The following CCDC85A variants were observed in gnomAD, a reference collection of about 807,000 sequenced individuals.
The protein encoded by CCDC85A is coiled-coil domain-containing protein 85A.
In CCDC85A, 38 loss-of-function variants were observed where a neutral mutation model predicts 50.2. The observed-to-expected ratio is 0.76, with a 90% CI of 0.58 to 0.99. The LOEUF (loss-of-function observed/expected upper bound fraction) is 0.99. Among genes scored for constraint, CCDC85A ranks in the 50% least tolerant of loss-of-function variants. CCDC85A has a pLI of 0.00. For missense variants in CCDC85A, 820 were observed against 742.0 expected (o/e 1.11, Z -1.22); for synonymous variants, 366 against 301.4 (o/e 1.21, Z -2.22).
At chr2:56,188,142 T>C (rs1348786963) in intron 1 of CCDC85A, among the ~76,000 whole-genome samples, 1 of 152,218 alleles carries the variant, frequency 6.6e-6, no homozygotes, top group Non-Finnish European at 1.5e-5. Flanking sequence ...TGGTGGCCGG[T>C]GGCAATGTTA....
chr2:56,368,779 A>G (rs770330300), intron 3 of CCDC85A, among the ~76,000 whole-genome samples: 2 of 147,774 alleles, frequency 1.4e-5, no homozygotes, highest in Non-Finnish European at 3.0e-5. Flanking sequence ...TGTGAGTTTT[A>G]GTCAATTGGA....
chr2:56,335,621 A>G (rs894763732), intron 2 of CCDC85A, among the ~76,000 whole-genome samples: 18 of 144,104 alleles, frequency 1.2e-4, no homozygotes, highest in Non-Finnish European at 2.3e-4. Context: ...TTTTTTTTTG[A>G]GAAGTAGTCT....
At chr2:56,307,466 G>T (rs1573222517) in intron 2 of CCDC85A, among the ~76,000 whole-genome samples, 1 of 152,124 alleles carries the variant, frequency 6.6e-6, no homozygotes, top group Non-Finnish European at 1.5e-5. Flanking sequence ...GAAATTTAAT[G>T]AACTAATAAG....
rs759792708 is a variant in CCDC85A, at chr2:56,193,370, G to A, written c.1170G>A (p.Glu390=). ...GSGGSGGGSR[E]GTLRRQAQED... is the part of the protein sequence containing the mutation. ...GAGGCAGCGGCGGAGGCAGCAGGGA[G>A]GGCACCCTCAGACGGCAGGCACAGG... The change falls in exon 2 of 6, where the codon GAG becomes GAA. Residue 390 remains glutamate, a synonymous_variant. Coordinates refer to ENST00000407595, the MANE Select transcript of CCDC85A (RefSeq NM_001080433.2). The A allele has an allele frequency of 2.5e-6, 4 of 1,611,440 alleles. No individual in the cohort carries two copies. The South Asian group carries it at 3.3e-5, about 13-fold the overall frequency.
intron 2 of CCDC85A, among the ~76,000 whole-genome samples, chr2:56,278,496 A>G (rs1459928740): frequency 2.6e-5 from 4 of 152,108 alleles, no homozygotes; most frequent in Admixed American, 1.3e-4. Context: ...TGGTTCAAGG[A>G]TCATCTTATC....
intron 2 of CCDC85A, among the ~76,000 whole-genome samples, chr2:56,222,542 C>T (rs1490154855): frequency 1.3e-5 from 2 of 152,104 alleles, no homozygotes; most frequent in Non-Finnish European, 2.9e-5. Context: ...GAATGAATTT[C>T]TGGACCTAGT....
rs1162967034 is a variant in CCDC85A, at chr2:56,275,387, A to T, written c.1241-67492A>T. On this transcript the variant is annotated intron_variant, in intron 2 of 5. Coordinates refer to ENST00000407595, the MANE Select transcript of CCDC85A (RefSeq NM_001080433.2). ...GTAGCTCAGTATAGCTAGAAGTTAA[A>T]GTTAGAATTGTTTCACTATGAAATA... is the stretch of plus-strand genomic sequence containing the variant. 3.3e-5 allele frequency among the ~76,000 whole-genome samples: 5 copies of T among 152,254 alleles called. No individual in the cohort carries two copies. The South Asian group carries it at 1.0e-3, about 31-fold the overall frequency.
At chr2:56,383,980 C>A (rs1464309880) in intron 5 of CCDC85A, among the ~76,000 whole-genome samples, 1 of 151,846 alleles carries the variant, frequency 6.6e-6, no homozygotes, top group African/African-American at 2.4e-5. Context: ...GCTTAGTGTG[C>A]AGTCAGAGTT....
intron 1 of CCDC85A, 138 bp downstream of exon 1, chr2:56,185,038 A>G (rs937440880): frequency 5.0e-6 from 5 of 1,007,998 alleles, no homozygotes; most frequent in Non-Finnish European, 6.7e-6. Context: ...CCCTACCCCC[A>G]GTCCCCAGCC....
At chr2:56,237,183 A>G (rs950921125) in intron 2 of CCDC85A, among the ~76,000 whole-genome samples, 1 of 152,150 alleles carries the variant, frequency 6.6e-6, no homozygotes, top group Non-Finnish European at 1.5e-5. Context: ...CTCAGTGTGA[A>G]GAGTCACTCA....
chr2:56,229,168 A>G (rs57060967), intron 2 of CCDC85A, among the ~76,000 whole-genome samples: 5,720 of 152,174 alleles, frequency 0.038, 121 homozygotes, highest in South Asian at 0.1. Context: ...CCCTTTGGCA[A>G]TTTTGTTTTC....
chr2:56,258,908 GA>G (rs1670100231), intron 2 of CCDC85A, among the ~76,000 whole-genome samples: 1 of 152,200 alleles, frequency 6.6e-6, no homozygotes, highest in South Asian at 2.1e-4. Context: ...CCTCTGCTGA[GA>G]GTGAGTAGGT....
chr2:56,187,282 A>G (rs1326304428), intron 1 of CCDC85A, among the ~76,000 whole-genome samples: 3 of 152,036 alleles, frequency 2.0e-5, no homozygotes, highest in Admixed American at 1.3e-4. Context: ...ACCATAATAC[A>G]TTTTCTTTTT....
At chr2:56,201,808 T>C (rs922765733) in intron 2 of CCDC85A, among the ~76,000 whole-genome samples, 1 of 152,146 alleles carries the variant, frequency 6.6e-6, no homozygotes, top group Non-Finnish European at 1.5e-5. Context: ...TATAGCTGTA[T>C]TTAGTTTAGA....
chr2:56,304,675 A>G (rs986639309), intron 2 of CCDC85A, among the ~76,000 whole-genome samples: 3 of 152,178 alleles, frequency 2.0e-5, no homozygotes, highest in Admixed American at 2.0e-4. Context: ...CCATGGGGGA[A>G]TCTGGGAGAT....
intron 2 of CCDC85A, among the ~76,000 whole-genome samples, chr2:56,341,207 A>G (rs1451695998): frequency 6.6e-6 from 1 of 152,154 alleles, no homozygotes; most frequent in East Asian, 1.9e-4. Context: ...TATACCAATT[A>G]AACTGCTATT....
chr2:56,356,550 A>G (rs1398178692), intron 3 of CCDC85A, among the ~76,000 whole-genome samples: 2 of 152,142 alleles, frequency 1.3e-5, no homozygotes, highest in African/African-American at 2.4e-5. Flanking sequence ...CCTAGCCAAC[A>G]TGGTGAAACC....
chr2:56,356,996 G>A (rs975408343), intron 3 of CCDC85A, among the ~76,000 whole-genome samples: 12 of 150,848 alleles, frequency 8.0e-5, no homozygotes, highest in Admixed American at 2.7e-4. Context: ...GGATAATGAC[G>A]TGAACCTGGG....
chr2:56,297,460 C>T lies in CCDC85A; in HGVS notation c.1241-45419C>T, dbSNP rs528826630. Among the ~76,000 whole-genome samples the T allele has an allele frequency of 1.6e-3, 234 of 149,998 alleles. 1 individual carries two copies. The highest frequency in any genetic ancestry group is 5.4e-3 in the African/African-American group (221 of 40,778). On this transcript the variant is annotated intron_variant, in intron 2 of 5. Coordinates refer to ENST00000407595, the MANE Select transcript of CCDC85A (RefSeq NM_001080433.2). ...CTATATATTTTTTCTGTTTCCAGAG[C>T]ATGTTTATATGATTTTCCAAGGATT...
Sources: allele counts gnomAD v4.1 joint callset (sites outside exome capture counted in the v4.1 genomes callset), GRCh38; gene constraint gnomAD v4.1.1; transcripts MANE v1.5; gene names NCBI Gene and HGNC (gene_info 2026-07-23, HGNC 2026-07-21).